Variants in CD55 observed in about 807,000 individuals in gnomAD.
The protein encoded by CD55 is complement decay-accelerating factor.
A neutral mutation model predicts 45.8 loss-of-function variants in CD55; 41 were observed. That is an observed-to-expected ratio of 0.90 (90% confidence interval 0.70 to 1.16). CD55 has a LOEUF of 1.16. Among genes scored for constraint, CD55 ranks in the 50% most tolerant of loss-of-function variants. The probability of loss-of-function intolerance (pLI) is 0.00; values close to 1 mark genes in which losing one functional copy is unlikely to be tolerated. For missense variants in CD55, 416 were observed against 469.8 expected, an observed-to-expected ratio of 0.89 and a Z score of 1.06; for synonymous variants, 181 against 181.1, an observed-to-expected ratio of 1.00 and a Z score of 0.01.
intron 9 of CD55, among the ~76,000 whole-genome samples, chr1:207,352,540 C>T (rs991917674): frequency 3.9e-5 from 6 of 152,092 alleles, no homozygotes; most frequent in Non-Finnish European, 8.8e-5. Context: ...GGTTTGAATC[C>T]TGTTTTTTTC....
chr1:207,341,886 G>A (rs1655442455), intron 9 of CD55, among the ~76,000 whole-genome samples: 1 of 152,002 alleles, frequency 6.6e-6, no homozygotes, highest in African/African-American at 2.4e-5. Context: ...AGCATGGGAT[G>A]TCTTTCCCTT....
At chr1:207,356,484 AG>A (rs1335008188) in intron 9 of CD55, among the ~76,000 whole-genome samples, 1 of 152,170 alleles carries the variant, frequency 6.6e-6, no homozygotes, top group African/African-American at 2.4e-5. Context: ...AATTTATGAT[AG>A]TATCTAGTGT....
chr1:207,329,441 A>T (rs1460118113), intron 5 of CD55, among the ~76,000 whole-genome samples: 1 of 152,174 alleles, frequency 6.6e-6, no homozygotes, highest in Non-Finnish European at 1.5e-5. Flanking sequence ...TGACTTAGAC[A>T]TCTATTTCCT....
At chr1:207,332,877 A>T (rs1189196146) in intron 6 of CD55, among the ~76,000 whole-genome samples, 4 of 152,170 alleles carry the variant, frequency 2.6e-5, no homozygotes, top group Admixed American at 6.6e-5. Context: ...ACCCATCCTG[A>T]TGTAAGGCAG....
Position 207,322,565 on chromosome 1 carries a change from A to G in CD55, c.284A>G (p.Asn95Ser). 6.3e-7 allele frequency: 1 copy of G among 1,594,904 alleles called. No homozygotes were observed. Among genetic ancestry groups the G allele is most frequent in the Non-Finnish European group, 8.5e-7 (1 of 1,173,672 alleles). The change falls in exon 2 of 10, where the codon AAT becomes AGT. Residue 95 changes from asparagine (N) to serine (S), a missense_variant and splice_region_variant. Physicochemically the swap from Asn to Ser is conservative, Grantham distance 46. This residue lies in a region of CD55 where 111 missense variants were observed against 163.4 expected (regional missense o/e 0.68). Coordinates refer to ENST00000367064, the MANE Select transcript of CD55 (RefSeq NM_000574.5). ...SQWSDIEEFC[N>S]RSCEVPTRLN... is the part of the protein sequence containing the mutation. ...TGGTCAGATATTGAAGAGTTCTGCA[A>G]TCGTAAGTTCTTCATCTTTTTAGAA...
At position 207,321,703 on chromosome 1, in the gene CD55, G is replaced by C; in HGVS notation, c.-63G>C. 1 of 1,252,660 alleles carries C rather than the reference G, an allele frequency of 8.0e-7. No individual in the cohort carries two copies. The highest frequency in any genetic ancestry group is 1.5e-5 in the South Asian group (1 of 66,968). The allele number at this position is 1,252,660 out of a possible 1,614,324, so 77.6% of individuals were successfully genotyped here. ...CTGCTTACTGCAACTCGCTCCGGCCGCTGGGCGTAGCTGCGACTCGGCGGA... is the reference window on the plus strand; with the variant it reads ...CTGCTTACTGCAACTCGCTCCGGCCCCTGGGCGTAGCTGCGACTCGGCGGA... On this transcript the variant is annotated 5_prime_UTR_variant, in exon 1 of 10. Transcript: ENST00000367064.
At chr1:207,327,307 T>C (rs1410694480) in intron 5 of CD55, among the ~76,000 whole-genome samples, 1 of 152,210 alleles carries the variant, frequency 6.6e-6, no homozygotes, top group Admixed American at 6.5e-5. Context: ...GTTGCCTACA[T>C]GCTGCTTCTT....
chr1:207,329,445 A>G lies in CD55; in HGVS notation c.665-1663A>G, dbSNP rs371515702. On this transcript the variant is annotated intron_variant, in intron 5 of 9. Transcript: ENST00000367064. The stretch of plus-strand genomic sequence containing the variant: ...AAACACAGATGTGACTTAGACATCT[A>G]TTTCCTCCTTAGAGCTTATTCATAT... Among the ~76,000 whole-genome samples the G allele has an allele frequency of 7.7e-4, 118 of 152,260 alleles. 2 individuals carry two copies. In the South Asian group the frequency reaches 0.021, roughly 28 times the overall value.
intron 9 of CD55, 42 bp downstream of exon 9, chr1:207,339,459 T>G (rs1456172304): frequency 4.7e-6 from 7 of 1,484,372 alleles, no homozygotes; most frequent in South Asian, 2.3e-5. Context: ...TTGTTTTCAC[T>G]GTGGGATATA....
intron 9 of CD55, among the ~76,000 whole-genome samples, chr1:207,348,480 A>G (rs1655736771): frequency 6.6e-6 from 1 of 152,046 alleles, no homozygotes; most frequent in African/African-American, 2.4e-5. Flanking sequence ...ACTTTGTTAG[A>G]TGCATAGTTT....
chr1:207,324,421 G>A (rs982498614), intron 2 of CD55, 138 bp from the exon 3 acceptor site: 6 of 475,454 alleles, frequency 1.3e-5, no homozygotes, highest in Admixed American at 1.2e-4. Context: ...GTGCCATGGT[G>A]ATATTAATAT....
At chr1:207,346,127 C>T (rs868508046) in intron 9 of CD55, among the ~76,000 whole-genome samples, 3 of 152,178 alleles carry the variant, frequency 2.0e-5, no homozygotes, top group Admixed American at 2.0e-4. Flanking sequence ...TGGGTGATGG[C>T]AGTAGTAGTG....
At chr1:207,352,761 T>C (rs1343414792) in intron 9 of CD55, among the ~76,000 whole-genome samples, 1 of 152,178 alleles carries the variant, frequency 6.6e-6, no homozygotes, top group African/African-American at 2.4e-5. Flanking sequence ...ATTATTTTCC[T>C]AAGCTGGATT....
At chr1:207,357,025 TA>T (rs1656103193) in intron 9 of CD55, among the ~76,000 whole-genome samples, 1 of 152,208 alleles carries the variant, frequency 6.6e-6, no homozygotes, top group Non-Finnish European at 1.5e-5. Context: ...TTGTCTGTTT[TA>T]ATTCTTTAGA....
At position 207,324,482 on chromosome 1, in the gene CD55, T is replaced by G. The variant is rs1356129341; in HGVS notation, c.287-77T>G. ...CAGTAAAGAAAGGGGGTTATTAGGGTCCAGATAATTAAATATAGATTATAA... is the reference window on the plus strand; with the variant it reads ...CAGTAAAGAAAGGGGGTTATTAGGGGCCAGATAATTAAATATAGATTATAA... On this transcript the variant is annotated intron_variant, in intron 2 of 9. Transcript: ENST00000367064. 4 of 906,146 alleles carry G rather than the reference T, an allele frequency of 4.4e-6. No individual in the cohort carries two copies. In the Admixed American group the frequency reaches 1.1e-4, roughly 24 times the overall value. 56.1% of individuals were successfully genotyped at this position (906,146 alleles called of 1,614,324 possible).
At chr1:207,337,557 C>T (rs1261642278) in intron 8 of CD55, 148 bp downstream of exon 8, 9 of 541,402 alleles carry the variant, frequency 1.7e-5, no homozygotes, top group Admixed American at 3.5e-5. Context: ...TATTTGGAAG[C>T]GGACTTGGAT....
Position 207,360,572 on chromosome 1 carries a change from T to C in CD55, c.*962T>C, listed in dbSNP as rs1402091699. On this transcript the variant is annotated 3_prime_UTR_variant, in exon 10 of 10. Transcript: ENST00000367064. ...TCTAAATAAGAAATTCCCTACCTGC[T>C]TCCTACAAGCAGTTCAGAATGCCAT... 2 of 152,188 alleles carry C rather than the reference T, an allele frequency of 1.3e-5. No individual in the cohort carries two copies. Among genetic ancestry groups the C allele is most frequent in the Non-Finnish European group, 2.9e-5 (2 of 68,014 alleles). 9.4% of individuals were successfully genotyped at this position (152,188 alleles called of 1,614,324 possible).
intron 8 of CD55, chr1:207,337,722 C>T (rs1158748243): frequency 8.9e-6 from 2 of 225,934 alleles, no homozygotes; most frequent in Non-Finnish European, 1.7e-5. Flanking sequence ...TTCAAGACCC[C>T]TTCAAAGAAC....
chr1:207,348,647 C>G (rs750307373), intron 9 of CD55, among the ~76,000 whole-genome samples: 1 of 152,206 alleles, frequency 6.6e-6, no homozygotes, highest in Non-Finnish European at 1.5e-5. Context: ...TATTTACCAA[C>G]ACCTATGTCA....
Sources: allele counts gnomAD v4.1 joint callset (sites outside exome capture counted in the v4.1 genomes callset), GRCh38; gene constraint gnomAD v4.1.1; regional missense constraint gnomAD v4.1.1; transcripts MANE v1.5; gene names NCBI Gene and HGNC (gene_info 2026-07-23, HGNC 2026-07-21).